Variants in CTBP2 observed in about 807,000 individuals in gnomAD.
The protein encoded by CTBP2 is C-terminal binding protein 2, also known as C-terminal-binding protein 2.
CTBP2 carries 30 observed loss-of-function variants against 80.3 expected under a neutral mutation model. The observed-to-expected ratio is 0.37, with a 90% CI of 0.28 to 0.51. CTBP2 has a LOEUF of 0.51. Among genes scored for constraint, CTBP2 ranks in the 20% least tolerant of loss-of-function variants. The probability of loss-of-function intolerance (pLI) is 0.93; values close to 1 mark genes in which losing one functional copy is unlikely to be tolerated. For synonymous variants in CTBP2, 594 were observed against 587.4 expected (o/e 1.01, Z -0.16); for missense variants, 1,212 against 1,375.3 (o/e 0.88, Z 1.88).
chr10:125,005,790 C>T, intron 1 of CTBP2: 1 of 1,612,466 alleles, frequency 6.2e-7, no homozygotes, highest in South Asian at 1.1e-5. Context: ...CCTGTGGGGC[C>T]TGGAAGTCCT....
chr10:125,102,521 G>T (rs914299333), intron 2 of CTBP2, among the ~76,000 whole-genome samples: 1 of 152,234 alleles, frequency 6.6e-6, no homozygotes, highest in Non-Finnish European at 1.5e-5. Flanking sequence ...GGTTTGCAGG[G>T]GGGTGGGGAT....
intron 1 of CTBP2, among the ~76,000 whole-genome samples, chr10:125,113,712 T>C (rs1186847162): frequency 1.3e-5 from 2 of 152,224 alleles, no homozygotes; most frequent in Non-Finnish European, 2.9e-5. Flanking sequence ...TGTTAACATC[T>C]ACCTAATCTT....
At chr10:125,103,872 C>A in intron 2 of CTBP2, among the ~76,000 whole-genome samples, 1 of 152,148 alleles carries the variant, frequency 6.6e-6, no homozygotes, top group African/African-American at 2.4e-5. Context: ...TAAGCACCCT[C>A]CCACCCCTGC....
At chr10:125,029,892 T>G (rs114596848), upstream of CTBP2, among the ~76,000 whole-genome samples, 1,252 of 152,312 alleles carry the variant, frequency 8.2e-3, 12 homozygotes, top group African/African-American at 0.029. Context: ...GTTACTGAGC[T>G]GGTGTCCAAG....
chr10:124,993,798 G>C (rs1589913782), intron 6 of CTBP2, 57 bp downstream of exon 8: 1 of 1,562,298 alleles, frequency 6.4e-7, no homozygotes, highest in East Asian at 2.3e-5. Flanking sequence ...AAGTGTGGGG[G>C]TCAGGTGTGG....
chr10:125,099,556 C>G (rs1434340313), intron 2 of CTBP2, among the ~76,000 whole-genome samples: 6 of 152,216 alleles, frequency 3.9e-5, no homozygotes, highest in Non-Finnish European at 7.3e-5. Flanking sequence ...TTTCAGGGGG[C>G]AGCTTTCAAA....
At chr10:124,996,560 A>G (rs1290797672) in intron 4 of CTBP2, 2 of 152,382 alleles carry the variant, frequency 1.3e-5, no homozygotes, top group South Asian at 2.1e-4. Flanking sequence ...CTATACACCG[A>G]GAGGGTTTTT....
rs902775350 is a variant in CTBP2, at chr10:125,027,828, C to A, written c.-69G>T. On this transcript the variant is annotated 5_prime_UTR_variant, in exon 1 of 9. Transcript: ENST00000309035. ...TTTATAAATCTTCAATTACATACAT[C>A]AAAAACAGACCTGGCTGTGTGCTAA... The A allele has an allele frequency of 6.9e-7, 1 of 1,448,036 alleles. No individual in the cohort carries two copies. Among genetic ancestry groups the A allele is most frequent in the Non-Finnish European group, 9.1e-7 (1 of 1,103,538 alleles). The allele number at this position is 1,448,036 out of a possible 1,614,324, so 89.7% of individuals were successfully genotyped here.
chr10:125,022,180 TCTCCTGCTTCCCTGCCG>T (rs1957111517), intron 1 of CTBP2, among the ~76,000 whole-genome samples: 1 of 151,614 alleles, frequency 6.6e-6, no homozygotes, highest in East Asian at 1.9e-4. Flanking sequence ...GCTCTGCCCT[TCTCCTGCTTCCCTGCCG>T]GTGCACACAC....
chr10:125,002,844 T>TA, intron 3 of CTBP2, 116 bp downstream of exon 5: 1 of 1,337,330 alleles, frequency 7.5e-7, no homozygotes, highest in Non-Finnish European at 1.0e-6. Context: ...GCCACCTTGC[T>TA]ACAGCCAGAA....
At position 125,027,160 on chromosome 10, in the gene CTBP2, C is replaced by T. The variant is rs374996333; in HGVS notation, c.600G>A (p.Ala200=). The change falls in exon 1 of 9, where the codon GCG becomes GCA. Residue 200 remains alanine, a synonymous_variant. Transcript: ENST00000309035. ...GGCTGAGGGGGTAGGCAGGCACCTC[C>T]GCCCCATACCTGGTGTCGGGCTGCT... 27 of 1,604,550 alleles carry T rather than the reference C, an allele frequency of 1.7e-5. No individual in the cohort carries two copies. Among genetic ancestry groups the T allele is most frequent in the East Asian group, 2.2e-5 (1 of 44,640 alleles).
intron 2 of CTBP2, among the ~76,000 whole-genome samples, chr10:125,053,941 T>G (rs1041554129): frequency 6.6e-6 from 1 of 152,118 alleles, no homozygotes; most frequent in African/African-American, 2.4e-5. Context: ...ATTATCTCAG[T>G]GACCTTTCCA....
chr10:124,994,102 G>T, intron 5 of CTBP2, 117 bp from the exon 8 acceptor site: 1 of 1,395,698 alleles, frequency 7.2e-7, no homozygotes, highest in Non-Finnish European at 9.8e-7. Context: ...TTTAATGTGT[G>T]TGCTGCAGTT....
chr10:125,107,827 A>C (rs1851685175), intron 2 of CTBP2, among the ~76,000 whole-genome samples: 1 of 152,230 alleles, frequency 6.6e-6, no homozygotes, highest in Non-Finnish European at 1.5e-5. Context: ...AGCCGGAAAC[A>C]GTCCTATCTT....
chr10:125,091,048 CATGGT>C (rs1848690191), intron 2 of CTBP2, among the ~76,000 whole-genome samples: 1 of 152,200 alleles, frequency 6.6e-6, no homozygotes, highest in South Asian at 2.1e-4. Context: ...TGCTAGCATA[CATGGT>C]TCTGCCAAAA....
chr10:125,063,757 T>C (rs576411440), intron 2 of CTBP2, among the ~76,000 whole-genome samples: 83 of 152,350 alleles, frequency 5.4e-4, no homozygotes, highest in African/African-American at 1.8e-3. Context: ...AATTCATTCA[T>C]GTAGGACAAA....
upstream of CTBP2, among the ~76,000 whole-genome samples, chr10:125,161,718 A>C (rs1861908905): frequency 6.6e-6 from 1 of 151,920 alleles, no homozygotes; most frequent in Non-Finnish European, 1.5e-5. Context: ...CACATTGAAA[A>C]AAAAAAAAAA....
Position 125,028,060 on chromosome 10 carries a change from G to T in CTBP2, c.-301C>A. 2.2e-6 allele frequency: 1 copy of T among 460,076 alleles called. No homozygotes were observed. 28.5% of individuals were successfully genotyped at this position (460,076 alleles called of 1,614,324 possible). Reference sequence around the variant, plus strand: ...CCAGCCTGCCAGGTCCCCCTTCCTGGCTGGTGTGCTCACATGGACCAGGGC... The same window carrying T: ...CCAGCCTGCCAGGTCCCCCTTCCTGTCTGGTGTGCTCACATGGACCAGGGC... On this transcript the variant is annotated 5_prime_UTR_variant, in exon 1 of 9. Transcript: ENST00000309035.
chr10:125,080,043 TTCC>T (rs560927135), intron 2 of CTBP2, among the ~76,000 whole-genome samples: 300 of 152,338 alleles, frequency 2.0e-3, no homozygotes, highest in Non-Finnish European at 3.4e-3. Context: ...AAATAAAACG[TTCC>T]TCCAAGTTAA....
Sources: gnomAD v4.1 joint callset for allele counts (sites outside exome capture counted in the v4.1 genomes callset) on GRCh38, gnomAD v4.1.1 for gene constraint, MANE v1.5 for transcripts, NCBI Gene and HGNC (gene_info 2026-07-23, HGNC 2026-07-21) for gene names.